FGF13: variants seen among roughly 807,000 people sequenced by gnomAD.
FGF13 encodes fibroblast growth factor 13, also known as fibroblast growth factor homologous factor 2.
FGF13 carries 2 observed loss-of-function variants against 19.5 expected under a neutral mutation model. The ratio of observed to expected loss-of-function variants is 0.10; its 90% CI spans 0.04 to 0.32. FGF13 has a LOEUF of 0.32. Ranked by LOEUF, FGF13 falls within the 10% of genes least tolerant of loss-of-function variation. The probability of loss-of-function intolerance (pLI) is 1.00; values close to 1 mark genes in which losing one functional copy is unlikely to be tolerated. For missense variants in FGF13, 113 were observed against 192.7 expected, an observed-to-expected ratio of 0.59 and a Z score of 2.45; for synonymous variants, 72 against 76.9, an observed-to-expected ratio of 0.94 and a Z score of 0.33.
At chrX:138,762,339 G>A (rs992785408) in intron 3 of FGF13, among the ~76,000 whole-genome samples, 1 of 111,500 alleles carries the variant, frequency 9.0e-6, no homozygotes, top group Non-Finnish European at 1.9e-5. Context: ...TCTACTTACT[G>A]CCCTAGCATA....
At chrX:138,664,401 T>C (rs755899570) in intron 3 of FGF13, among the ~76,000 whole-genome samples, 2 of 111,524 alleles carry the variant, frequency 1.8e-5, no homozygotes, top group Non-Finnish European at 3.8e-5. Flanking sequence ...ATTCAATACA[T>C]GTACGAGTCT....
intron 1 of FGF13, among the ~76,000 whole-genome samples, chrX:138,996,364 C>A (rs2124353597): frequency 8.9e-6 from 1 of 112,866 alleles, no homozygotes; most frequent in African/African-American, 3.2e-5. Flanking sequence ...AACCAGCAGA[C>A]CAGGAGATTC....
intron 1 of FGF13, among the ~76,000 whole-genome samples, chrX:138,911,426 C>T (rs1326117200): frequency 9.2e-6 from 1 of 108,659 alleles, no homozygotes; most frequent in African/African-American, 3.4e-5. Context: ...GACACATGGA[C>T]ACACAGAGGG....
chrX:138,985,780 T>G (rs2124341123), intron 1 of FGF13, among the ~76,000 whole-genome samples: 1 of 112,385 alleles, frequency 8.9e-6, no homozygotes, highest in South Asian at 3.7e-4. Context: ...ATAAAAATAT[T>G]ATTTTCTCAG....
At chrX:138,699,597 C>G (rs1203069580) in intron 3 of FGF13, among the ~76,000 whole-genome samples, 1 of 111,793 alleles carries the variant, frequency 8.9e-6, no homozygotes, top group Non-Finnish European at 1.9e-5. Context: ...AGATCACCCA[C>G]AACATATGAA....
At chrX:138,830,687 TTGTG>T (rs144759178) in intron 3 of FGF13, among the ~76,000 whole-genome samples, 23,461 of 87,237 alleles carry the variant, frequency 0.27, 2,528 homozygotes, top group Middle Eastern at 0.31. Flanking sequence ...AAAGGGGTGT[TTGTG>T]TGTGTGTGTG....
At chrX:138,777,957 G>A (rs146680892) in intron 3 of FGF13, among the ~76,000 whole-genome samples, 2 of 111,408 alleles carry the variant, frequency 1.8e-5, no homozygotes, top group Admixed American at 9.5e-5. Flanking sequence ...AGATGACTTA[G>A]ATGTTAGCAT....
intron 3 of FGF13, among the ~76,000 whole-genome samples, chrX:138,697,636 G>A (rs2089908538): frequency 9.0e-6 from 1 of 111,012 alleles, no homozygotes. Context: ...TGTGAAAAAG[G>A]AAAACTAGAA....
In FGF13 at chrX:138,767,050, G is replaced by GGAC. The variant is rs1203731441; in HGVS notation, c.218-58125_218-58123dup. On this transcript the variant is annotated intron_variant, in intron 3 of 6. Coordinates refer to the FGF13 transcript ENST00000436198. ...ATGATTCACAGGCCCAGGTGCTCAA[G>GGAC]GACGAGGCTCTGTGGGCCAAGTTTT... is the stretch of plus-strand genomic sequence containing the variant. Among the ~76,000 whole-genome samples, 8 of 111,656 alleles carry GGAC rather than the reference G, an allele frequency of 7.2e-5. No homozygotes were observed. In the South Asian group the frequency reaches 1.9e-3, roughly 26 times the overall value.
intron 1 of FGF13, among the ~76,000 whole-genome samples, chrX:139,068,784 G>A (rs968361908): frequency 9.0e-6 from 1 of 111,059 alleles, no homozygotes; most frequent in Admixed American, 9.6e-5. Context: ...TTGACTCTCT[G>A]TTTGTCTGTT....
chrX:138,952,490 G>A (rs1008322855), intron 1 of FGF13, among the ~76,000 whole-genome samples: 32 of 111,651 alleles, frequency 2.9e-4, no homozygotes, highest in African/African-American at 1.0e-3. Context: ...GAAAACCTAG[G>A]CAATACCATT....
At chrX:138,761,904 A>T (rs758390923) in intron 3 of FGF13, among the ~76,000 whole-genome samples, 27 of 110,077 alleles carry the variant, frequency 2.5e-4, no homozygotes, top group Non-Finnish European at 4.7e-4. Context: ...GTGGTGACAG[A>T]GGTCTGTCAA....
In FGF13 at chrX:138,617,557, A is replaced by G. The variant is rs2088979601; in HGVS notation, c.*15293T>C. On this transcript the variant is annotated 3_prime_UTR_variant, in exon 5 of 5. Coordinates refer to ENST00000315930, the MANE Select transcript of FGF13 (RefSeq NM_004114.5). ...TAAGGTAAACTGAAAGAAGCTGTGT[A>G]AAAGAACCAAGGATCATCATGGTAA... 1 of 112,035 alleles carries G rather than the reference A, an allele frequency of 8.9e-6. No homozygotes were observed. The highest frequency in any genetic ancestry group is 3.7e-4 in the South Asian group (1 of 2,687). 9.2% of individuals were successfully genotyped at this position (112,035 alleles called of 1,213,427 possible). A position where few individuals can be genotyped will look rare whatever the true frequency, so the allele number is the denominator to read the frequency against.
At chrX:138,913,513 G>C (rs1481892775) in intron 1 of FGF13, among the ~76,000 whole-genome samples, 1 of 109,186 alleles carries the variant, frequency 9.2e-6, no homozygotes, top group Non-Finnish European at 1.9e-5. Context: ...TGTTAGACTT[G>C]TGAAAACTTG....
At chrX:138,960,941 C>T (rs986537281) in intron 1 of FGF13, among the ~76,000 whole-genome samples, 5 of 111,247 alleles carry the variant, frequency 4.5e-5, no homozygotes, top group Admixed American at 1.9e-4. Context: ...AGCTTCCTGG[C>T]GATGAGTTCG....
intron 1 of FGF13, among the ~76,000 whole-genome samples, chrX:138,728,879 T>C (rs1005567372): frequency 2.7e-5 from 3 of 111,123 alleles, no homozygotes; most frequent in African/African-American, 9.8e-5. Context: ...ACCATCCAGG[T>C]ACTCAGAGCT....
chrX:138,737,260 G>A (rs962042580), intron 1 of FGF13, among the ~76,000 whole-genome samples: 1 of 111,654 alleles, frequency 9.0e-6, no homozygotes, highest in Non-Finnish European at 1.9e-5. Context: ...TACAAGGGTT[G>A]AAGTGTTTTC....
chrX:139,070,906 A>G (rs1487049388), intron 1 of FGF13, among the ~76,000 whole-genome samples: 1 of 111,194 alleles, frequency 9.0e-6, no homozygotes, highest in East Asian at 2.8e-4. Flanking sequence ...CAAACACCAC[A>G]TGTTCTCACT....
At chrX:138,920,737 G>A (rs138627663) in intron 1 of FGF13, among the ~76,000 whole-genome samples, 398 of 111,463 alleles carry the variant, frequency 3.6e-3, no homozygotes, top group African/African-American at 0.012. Flanking sequence ...CTGGACGAGC[G>A]AGGTGAGAGT....
Sources: allele counts gnomAD v4.1 joint callset (sites outside exome capture counted in the v4.1 genomes callset), GRCh38; gene constraint gnomAD v4.1.1; transcripts MANE v1.5; gene names NCBI Gene and HGNC (gene_info 2026-07-23, HGNC 2026-07-21).